The following PCDHGA11 variants were observed in gnomAD, a reference collection of about 807,000 sequenced individuals.
PCDHGA11 encodes the protein protocadherin gamma-A11.
Under a neutral mutation model 60.4 loss-of-function variants are expected in PCDHGA11, and 39 were observed. That is an observed-to-expected ratio of 0.65 (90% CI 0.50 to 0.84). The LOEUF is 0.84. Ranked by LOEUF, PCDHGA11 falls within the 40% of genes least tolerant of loss-of-function variation. PCDHGA11 has a pLI of 0.00. For synonymous variants in PCDHGA11, 533 were observed against 510.3 expected (o/e 1.04, Z -0.60); for missense variants, 1,165 against 1,197.7 (o/e 0.97, Z 0.40).
At chr5:141,433,205 TTTC>T in intron 1 of PCDHGA11, 1 of 1,573,264 alleles carries the variant, frequency 6.4e-7, no homozygotes, top group Non-Finnish European at 8.6e-7. Context: ...TCAAATCTTC[TTTC>T]TTTTTTTTTT....
Position 141,493,022 on chromosome 5 carries a change from G to C in PCDHGA11, c.2434-1785G>C, listed in dbSNP as rs1184742888. On this transcript the variant is annotated intron_variant, in intron 1 of 3. Transcript: ENST00000398587. This position sits in a 1 kb window ranked among gnomAD's most constrained non-coding sequence, Gnocchi z 4.3. Reference sequence around the variant, plus strand: ...GCTATAGGCTCTGCCAGATGCCAGGGTGCCCTTATGTGTGAGGAAACTACA... The same window carrying C: ...GCTATAGGCTCTGCCAGATGCCAGGCTGCCCTTATGTGTGAGGAAACTACA... Among the ~76,000 whole-genome samples the C allele has an allele frequency of 6.6e-6, 1 of 152,222 alleles. No individual in the cohort carries two copies. Among genetic ancestry groups the C allele is most frequent in the Non-Finnish European group, 1.5e-5 (1 of 68,040 alleles).
chr5:141,445,456 T>A (rs921684111), intron 1 of PCDHGA11, among the ~76,000 whole-genome samples: 8 of 152,218 alleles, frequency 5.3e-5, no homozygotes, highest in Non-Finnish European at 1.0e-4. Flanking sequence ...GATGCAGCAA[T>A]GAACAAGGCA....
In PCDHGA11 at chr5:141,432,285, C is replaced by A; in HGVS notation, c.2433+8625C>A. On this transcript the variant is annotated intron_variant, in intron 1 of 3. Transcript: ENST00000398587. The surrounding 1 kb of genome is among the most constrained non-coding windows in gnomAD (Gnocchi z 6.0). ...CTATCGTCCTACGTGTCCATCAACTCCGACACTGGGGTACTGTATGCGCTG... is the reference window on the plus strand; with the variant it reads ...CTATCGTCCTACGTGTCCATCAACTACGACACTGGGGTACTGTATGCGCTG... The A allele has an allele frequency of 6.2e-7, 1 of 1,614,262 alleles. No homozygotes were observed. The highest frequency in any genetic ancestry group is 8.5e-7 in the Non-Finnish European group (1 of 1,180,052).
Position 141,432,224 on chromosome 5 carries a change from T to C in PCDHGA11, c.2433+8564T>C. On this transcript the variant is annotated intron_variant, in intron 1 of 3. Transcript: ENST00000398587. The surrounding 1 kb of genome is among the most constrained non-coding windows in gnomAD (Gnocchi z 6.0). The stretch of plus-strand genomic sequence containing the variant: ...CTGTGAAGAGAACGCCCAGATCACT[T>C]ATTCCCTGGCTGAGAACACCATCCA... 6.2e-7 allele frequency: 1 copy of C among 1,614,138 alleles called. No homozygotes were observed. Among genetic ancestry groups the C allele is most frequent in the Non-Finnish European group, 8.5e-7 (1 of 1,180,024 alleles).
intron 1 of PCDHGA11, among the ~76,000 whole-genome samples, chr5:141,438,620 A>G (rs2098023964): frequency 1.0e-4 from 4 of 39,044 alleles, no homozygotes; most frequent in African/African-American, 8.0e-4. Flanking sequence ...ATATATATAT[A>G]TATATATATA....
In PCDHGA11 at chr5:141,490,745, C is replaced by T. The variant is rs769031787; in HGVS notation, c.2434-4062C>T. 22 of 1,614,120 alleles carry T rather than the reference C, an allele frequency of 1.4e-5. No individual in the cohort carries two copies. Among genetic ancestry groups the T allele is most frequent in the Non-Finnish European group, 1.9e-5 (22 of 1,180,050 alleles). On this transcript the variant is annotated intron_variant, in intron 1 of 3. Transcript: ENST00000398587. The surrounding 1 kb of genome is among the most constrained non-coding windows in gnomAD (Gnocchi z 5.4). Reference sequence around the variant, plus strand: ...GTAGGAAATCAGGTTCAGGGAGCCCCAGCCTCCTCCTTTGTGTATGTCAAC... The same window carrying T: ...GTAGGAAATCAGGTTCAGGGAGCCCTAGCCTCCTCCTTTGTGTATGTCAAC...
intron 1 of PCDHGA11, among the ~76,000 whole-genome samples, chr5:141,466,246 A>G (rs1357175003): frequency 6.6e-6 from 1 of 152,100 alleles, no homozygotes; most frequent in Non-Finnish European, 1.5e-5. Flanking sequence ...TCATGGCTCA[A>G]TGCAGCCTTG....
intron 1 of PCDHGA11, among the ~76,000 whole-genome samples, chr5:141,457,480 G>T (rs566798464): frequency 6.6e-6 from 1 of 152,148 alleles, no homozygotes; most frequent in African/African-American, 2.4e-5. Context: ...GCAGGGCCAG[G>T]GTTAGTCTAA....
intron 1 of PCDHGA11, among the ~76,000 whole-genome samples, chr5:141,435,652 G>C (rs978809372): frequency 6.6e-6 from 1 of 152,108 alleles, no homozygotes; most frequent in Non-Finnish European, 1.5e-5. Context: ...TTTCTGAAAC[G>C]TGCACAGATT....
chr5:141,443,217 G>A (rs1447455858), intron 1 of PCDHGA11, among the ~76,000 whole-genome samples: 8 of 151,656 alleles, frequency 5.3e-5, no homozygotes, highest in African/African-American at 2.4e-5. Flanking sequence ...CTCGCCAGGC[G>A]CATCTATAAT....
At chr5:141,478,163 C>T (rs779617960) in intron 1 of PCDHGA11, 1 of 1,614,028 alleles carries the variant, frequency 6.2e-7, no homozygotes, top group Non-Finnish European at 8.5e-7. Context: ...TGGCTCTGCC[C>T]CCCGGGAGCA....
At chr5:141,478,423 C>A (rs1355847104) in intron 1 of PCDHGA11, 1 of 1,613,672 alleles carries the variant, frequency 6.2e-7, no homozygotes, top group Admixed American at 1.7e-5. Context: ...CCCGCCGCAG[C>A]GACCCGCTGC....
At chr5:141,426,621 C>G (rs984316174) in intron 1 of PCDHGA11, 1 of 392,280 alleles carries the variant, frequency 2.5e-6, no homozygotes, top group Non-Finnish European at 5.2e-6. Flanking sequence ...AGAGAATCCT[C>G]TAAATGTTTT....
chr5:141,438,471 A>C (rs1019238906), intron 1 of PCDHGA11, among the ~76,000 whole-genome samples: 4 of 151,396 alleles, frequency 2.6e-5, no homozygotes, highest in Admixed American at 2.6e-4. Flanking sequence ...CAATTATTGG[A>C]AAGTGGTCTC....
In PCDHGA11 at chr5:141,421,586, T is replaced by A. The variant is rs750525078; in HGVS notation, c.359T>A (p.Val120Glu). The change falls in exon 1 of 4, where the codon GTG becomes GAG. Residue 120 changes from valine to glutamate, a missense_variant. Transcript: ENST00000398587. Reference protein sequence around the residue: ...LVEDTLKIYGVEVEIIDINDN... With the variant: ...LVEDTLKIYGEEVEIIDINDN... ...GAAGACACCTTGAAGATTTACGGAG[T>A]GGAGGTGGAAATAATAGATATTAAT... 1.2e-6 allele frequency: 2 copies of A among 1,613,602 alleles called. No homozygotes were observed. The highest frequency in any genetic ancestry group is 3.3e-5 in the Admixed American group (2 of 59,992).
chr5:141,422,685 C>G lies in PCDHGA11; in HGVS notation c.1458C>G (p.Ala486=), dbSNP rs754112462. The G allele has an allele frequency of 2.5e-6, 4 of 1,605,144 alleles. No individual in the cohort carries two copies. The South Asian group carries it at 4.5e-5, about 18-fold the overall frequency. The change falls in exon 1 of 4, where the codon GCC becomes GCG. Residue 486 remains alanine (A), a synonymous_variant. Coordinates refer to ENST00000398587, the MANE Select transcript of PCDHGA11 (RefSeq NM_018914.3). ...TALDPDSKQN[A]LVTYSLTDDT... is the part of the protein sequence containing the mutation. ...TCGACCCGGACAGCAAACAGAATGCCCTGGTCACTTACTCTCTGACGGATG... is the reference window on the plus strand; with the variant it reads ...TCGACCCGGACAGCAAACAGAATGCGCTGGTCACTTACTCTCTGACGGATG...
Position 141,421,322 on chromosome 5 carries a change from T to TC in PCDHGA11, c.97dup (p.Arg33ProfsTer66), listed in dbSNP as rs761059925. 24 of 1,613,746 alleles carry TC rather than the reference T, an allele frequency of 1.5e-5. No individual in the cohort carries two copies. The highest frequency in any genetic ancestry group is 1.6e-4 in the Middle Eastern group (1 of 6,080). On this transcript the variant is annotated frameshift_variant, in exon 1 of 4. Transcript: ENST00000398587. LOFTEE classifies it high-confidence loss of function. ...CTGCGGGGGTTCCGGGCCAGGCAGA[T>TC]CCGATATTCGGTGCCAGAAGAGACC...
intron 1 of PCDHGA11, chr5:141,429,276 T>C (rs748800169): frequency 6.6e-5 from 10 of 152,228 alleles, no homozygotes; most frequent in Non-Finnish European, 1.2e-4. Flanking sequence ...TTTTTTCCTG[T>C]GATGTTTCTT....
intron 1 of PCDHGA11, among the ~76,000 whole-genome samples, chr5:141,482,804 G>T (rs1431490730): frequency 6.6e-6 from 1 of 152,194 alleles, no homozygotes; most frequent in East Asian, 1.9e-4. Flanking sequence ...GGGTACGGTG[G>T]CTCATGCCTG....
Sources: allele counts gnomAD v4.1 joint callset (sites outside exome capture counted in the v4.1 genomes callset), GRCh38; gene constraint gnomAD v4.1.1; non-coding constraint Gnocchi (gnomAD v3.1); transcripts MANE v1.5; gene names NCBI Gene and HGNC (gene_info 2026-07-23, HGNC 2026-07-21).